Variants in COL19A1 observed in about 807,000 individuals in gnomAD.
COL19A1 encodes collagen alpha-1(XIX) chain.
Under a neutral mutation model 190.2 loss-of-function variants are expected in COL19A1, and 159 were observed. That is an observed-to-expected ratio of 0.84 (90% CI 0.73 to 0.95). The LOEUF is 0.95. Among genes scored for constraint, COL19A1 ranks in the 40% least tolerant of loss-of-function variants. COL19A1 has a pLI of 0.00. For synonymous variants in COL19A1, 509 were observed against 458.9 expected, an observed-to-expected ratio of 1.11 and a Z score of -1.39; for missense variants, 1,418 against 1,431.9, an observed-to-expected ratio of 0.99 and a Z score of 0.16.
At chr6:69,898,910 T>G (rs769249501) in intron 2 of COL19A1, 38 bp from the exon 3 acceptor site, 1 of 1,235,202 alleles carries the variant, frequency 8.1e-7, no homozygotes, top group South Asian at 1.3e-5. Context: ...AATTCATACA[T>G]AATGCAAATC....
chr6:70,147,807 C>T (rs577536387), intron 27 of COL19A1, among the ~76,000 whole-genome samples: 1 of 152,268 alleles, frequency 6.6e-6, no homozygotes, highest in African/African-American at 2.4e-5. Flanking sequence ...CAGAGGCCAA[C>T]TGCATATCTG....
At chr6:70,109,185 G>A (rs1248859344) in intron 16 of COL19A1, among the ~76,000 whole-genome samples, 2 of 152,044 alleles carry the variant, frequency 1.3e-5, no homozygotes, top group African/African-American at 4.8e-5. Flanking sequence ...GAATAAACTG[G>A]GTAATGTGAT....
In COL19A1 at chr6:70,146,649, T is replaced by C. The variant is rs1306367816; in HGVS notation, c.1771-10T>C. On this transcript the variant is annotated splice_polypyrimidine_tract_variant and intron_variant, in intron 25 of 50. Coordinates refer to ENST00000620364, the MANE Select transcript of COL19A1 (RefSeq NM_001858.6). The stretch of plus-strand genomic sequence containing the variant: ...GAAGAAGATATGTATTCATACTTTT[T>C]TTCTTTTAGGGATTAGATGGAAATC... The C allele has an allele frequency of 1.2e-6, 2 of 1,600,720 alleles. No individual in the cohort carries two copies. Among genetic ancestry groups the C allele is most frequent in the Non-Finnish European group, 1.7e-6 (2 of 1,174,022 alleles).
chr6:70,123,510 T>C (rs1785006870), intron 17 of COL19A1, among the ~76,000 whole-genome samples: 1 of 146,354 alleles, frequency 6.8e-6, no homozygotes, highest in African/African-American at 2.6e-5. Context: ...CATGCACACG[T>C]ATGTTTATTG....
intron 4 of COL19A1, among the ~76,000 whole-genome samples, chr6:69,926,177 G>T (rs1772378580): frequency 1.3e-5 from 2 of 152,116 alleles, no homozygotes; most frequent in Admixed American, 1.3e-4. Flanking sequence ...TTTTCAAAGG[G>T]AATGCCTCCA....
chr6:70,094,224 C>A (rs1232233043), intron 15 of COL19A1, among the ~76,000 whole-genome samples: 3 of 152,146 alleles, frequency 2.0e-5, no homozygotes, highest in Non-Finnish European at 2.9e-5. Flanking sequence ...AGGCATAAAT[C>A]TTATTTCCTT....
In COL19A1 at chr6:70,141,910, A is replaced by C; in HGVS notation, c.1500A>C (p.Ile500=). Residue 500 remains isoleucine, a synonymous_variant, in exon 21 of 51, where the codon ATA becomes ATC. Transcript: ENST00000620364. ...ATTTACAGGGAGAACCTGGGGTAAT[A>C]GGATCACAGGGAGTAAAGGTAATTT... ...EKGDRGEPGV[I]GSQGVKGEPG... is the part of the protein sequence containing the mutation. The C allele has an allele frequency of 6.3e-7, 1 of 1,599,308 alleles. No individual in the cohort carries two copies.
At chr6:70,033,359 G>A (rs3828767) in intron 12 of COL19A1, among the ~76,000 whole-genome samples, 88,579 of 151,874 alleles carry the variant, frequency 0.58, 26,357 homozygotes, top group African/African-American at 0.71. Flanking sequence ...ACTTAGACTT[G>A]CTGTGCATTG....
At chr6:70,137,825 A>G (rs1324473835) in intron 19 of COL19A1, 78 bp downstream of exon 19, 1 of 1,382,426 alleles carries the variant, frequency 7.2e-7, no homozygotes, top group East Asian at 2.3e-5. Flanking sequence ...ATCAGCCCCA[A>G]TTCCACGTGC....
At chr6:69,926,912 G>A (rs1184678030) in intron 4 of COL19A1, among the ~76,000 whole-genome samples, 1 of 152,118 alleles carries the variant, frequency 6.6e-6, no homozygotes, top group Non-Finnish European at 1.5e-5. Context: ...TTCTCAATAT[G>A]AGTAAGCTGA....
At chr6:69,898,665 A>C (rs1055899390) in intron 2 of COL19A1, among the ~76,000 whole-genome samples, 5 of 152,156 alleles carry the variant, frequency 3.3e-5, no homozygotes, top group Admixed American at 6.5e-5. Context: ...GCTTATTTCC[A>C]AATGTCAAGG....
rs760066557 is a variant in COL19A1, at chr6:70,190,349, A to G, written c.3062A>G (p.Tyr1021Cys). The G allele has an allele frequency of 4.7e-5, 75 of 1,606,174 alleles. 3 individuals carry two copies. The South Asian group carries it at 5.4e-4, about 12-fold the overall frequency. Residue 1021 changes from tyrosine (Y) to cysteine (C), a missense_variant, in exon 48 of 51, where the codon TAT (tyrosine) becomes TGT (cysteine). Coordinates refer to ENST00000620364, the MANE Select transcript of COL19A1 (RefSeq NM_001858.6). Reference protein sequence around the residue: ...DAVSFEEIKKYINQEVLRIFE... With the variant: ...DAVSFEEIKKCINQEVLRIFE... ...GTTTCATTTGAAGAAATAAAGAAGT[A>G]TATTAATCAAGAGGTCCTAAGGATT...
In COL19A1 at chr6:69,921,618, ACGTATATAGATTCGTATATATT is replaced by A. The variant is rs1274082603; in HGVS notation, c.267-6263_267-6242del. ...TTCGTATATGTATATAGATTCGTAT[ACGTATATAGATTCGTATATATT>A]CGTATATAGATTCGTATATATTCGT... On this transcript the variant is annotated intron_variant, in intron 4 of 50. Transcript: ENST00000620364. Among the ~76,000 whole-genome samples, 875 of 145,364 alleles carry A rather than the reference ACGTATATAGATTCGTATATATT, an allele frequency of 6.0e-3. 5 individuals carry two copies. Among genetic ancestry groups the A allele is most frequent in the African/African-American group, 0.016 (643 of 39,114 alleles).
chr6:69,991,441 G>A (rs985894813), intron 11 of COL19A1, among the ~76,000 whole-genome samples: 19 of 151,508 alleles, frequency 1.3e-4, no homozygotes, highest in Non-Finnish European at 2.1e-4. Context: ...ATGGTAGTTT[G>A]TGTTCTCTGA....
At chr6:70,096,504 T>A (rs1439644806) in intron 15 of COL19A1, among the ~76,000 whole-genome samples, 1 of 152,178 alleles carries the variant, frequency 6.6e-6, no homozygotes, top group African/African-American at 2.4e-5. Context: ...GATCTTTTTA[T>A]TCCTTTAACA....
At chr6:70,187,010 T>A (rs1766566749) in intron 46 of COL19A1, among the ~76,000 whole-genome samples, 1 of 152,160 alleles carries the variant, frequency 6.6e-6, no homozygotes, top group East Asian at 1.9e-4. Context: ...CCTGAGTAGC[T>A]GGGATTACAG....
intron 42 of COL19A1, among the ~76,000 whole-genome samples, chr6:70,177,199 AT>A (rs1174903777): frequency 6.6e-6 from 1 of 152,136 alleles, no homozygotes; most frequent in African/African-American, 2.4e-5. Context: ...TCTAATTAAA[AT>A]TTTGTGGTCA....
chr6:70,121,952 C>A lies in COL19A1; in HGVS notation c.1341+10C>A, dbSNP rs199682251. 9.8e-6 allele frequency: 15 copies of A among 1,526,544 alleles called. No individual in the cohort carries two copies. Among genetic ancestry groups the A allele is most frequent in the South Asian group, 3.8e-5 (3 of 78,186 alleles). The allele number at this position is 1,526,544 out of a possible 1,614,324, so 94.6% of individuals were successfully genotyped here. ...TAACAAGGATAACAAGGTATGGCTT[C>A]TTTTTTCCCATAATTTATAATACAT... is the stretch of plus-strand genomic sequence containing the variant. On this transcript the variant is annotated intron_variant, in intron 17 of 50. Coordinates refer to ENST00000620364, the MANE Select transcript of COL19A1 (RefSeq NM_001858.6).
At chr6:70,046,531 T>A (rs2150128266) in intron 14 of COL19A1, among the ~76,000 whole-genome samples, 1 of 152,290 alleles carries the variant, frequency 6.6e-6, no homozygotes, top group East Asian at 1.9e-4. Context: ...AATTTTTTTT[T>A]AATGCAGAGT....
Sources: gnomAD v4.1 joint callset for allele counts (sites outside exome capture counted in the v4.1 genomes callset) on GRCh38, gnomAD v4.1.1 for gene constraint, MANE v1.5 for transcripts, NCBI Gene and HGNC (gene_info 2026-07-23, HGNC 2026-07-21) for gene names.